SLCO2A1: variants seen among roughly 807,000 people sequenced by gnomAD.
The protein encoded by SLCO2A1 is matrin F/G 1.
SLCO2A1 carries 60 observed loss-of-function variants against 71.7 expected under a neutral mutation model. That is an observed-to-expected ratio of 0.84 (90% CI 0.68 to 1.04). The LOEUF (loss-of-function observed/expected upper bound fraction) is 1.04. SLCO2A1 is among the 50% of genes least tolerant of loss of function. The pLI is 0.00. For synonymous variants in SLCO2A1, 308 were observed against 326.7 expected (o/e 0.94, Z 0.62); for missense variants, 745 against 813.4 (o/e 0.92, Z 1.02).
intron 10 of SLCO2A1, 135 bp downstream of exon 10, chr3:133,944,960 A>G (rs1228738065): frequency 3.8e-6 from 4 of 1,053,118 alleles, no homozygotes; most frequent in Non-Finnish European, 5.5e-6. Flanking sequence ...GGCTCAGAGG[A>G]GGCCAGGATG....
chr3:133,934,311 T>TCA lies in SLCO2A1; in HGVS notation c.*400_*401dup, dbSNP rs1372606320. ...CTGCCACTCTGCAGGGTGTGGGCAG[T>TCA]CAGCGGGAGAGTGGAGCTGCCTGGC... is the stretch of plus-strand genomic sequence containing the variant. On this transcript the variant is annotated 3_prime_UTR_variant, in exon 14 of 14. Coordinates refer to ENST00000310926, the MANE Select transcript of SLCO2A1 (RefSeq NM_005630.3). 6.4e-6 allele frequency: 1 copy of TCA among 156,546 alleles called. No homozygotes were observed. The highest frequency in any genetic ancestry group is 2.4e-5 in the African/African-American group (1 of 41,548). The allele number at this position is 156,546 out of a possible 1,614,324, so 9.7% of individuals were successfully genotyped here. A position where few individuals can be genotyped will look rare whatever the true frequency, so the allele number is the denominator to read the frequency against.
chr3:133,954,847 C>T, intron 4 of SLCO2A1, 119 bp downstream of exon 4: 2 of 748,718 alleles, frequency 2.7e-6, no homozygotes, highest in Non-Finnish European at 4.4e-6. Flanking sequence ...GGCCTCTGAA[C>T]TCATTTGCTG....
At chr3:134,015,586 A>G (rs1935433244) in intron 1 of SLCO2A1, among the ~76,000 whole-genome samples, 1 of 152,206 alleles carries the variant, frequency 6.6e-6, no homozygotes, top group Non-Finnish European at 1.5e-5. Flanking sequence ...GTAAATTTCC[A>G]ATGTCTCACC....
At chr3:133,980,624 T>C (rs1164324210) in intron 1 of SLCO2A1, among the ~76,000 whole-genome samples, 1 of 152,238 alleles carries the variant, frequency 6.6e-6, no homozygotes, top group Non-Finnish European at 1.5e-5. Context: ...TCCAAAGCTC[T>C]TTCCATGAAT....
chr3:133,951,400 G>A, intron 5 of SLCO2A1, 56 bp from the exon 6 acceptor site: 2 of 1,597,648 alleles, frequency 1.3e-6, no homozygotes, highest in Non-Finnish European at 1.7e-6. Context: ...TCACCTTACT[G>A]GAAACAGAAC....
chr3:134,001,186 C>A (rs972861526), intron 1 of SLCO2A1, among the ~76,000 whole-genome samples: 33 of 151,944 alleles, frequency 2.2e-4, no homozygotes, highest in African/African-American at 8.0e-4. Context: ...GGCACGATCT[C>A]AACTCACTGC....
chr3:133,940,977 C>A (rs1180718254), intron 11 of SLCO2A1, among the ~76,000 whole-genome samples: 4 of 152,112 alleles, frequency 2.6e-5, no homozygotes, highest in Non-Finnish European at 5.9e-5. Context: ...AAGTGTACAC[C>A]TGGGCCTCTC....
At chr3:133,965,021 C>A (rs1934130880) in intron 3 of SLCO2A1, among the ~76,000 whole-genome samples, 2 of 152,110 alleles carry the variant, frequency 1.3e-5, no homozygotes, top group Non-Finnish European at 2.9e-5. Flanking sequence ...TTTTAACATG[C>A]AAAGAAATGT....
chr3:133,963,177 T>G (rs9844799), intron 3 of SLCO2A1, among the ~76,000 whole-genome samples: 83,776 of 151,992 alleles, frequency 0.55, 23,483 homozygotes, highest in African/African-American at 0.64. Context: ...CAGAATTTCA[T>G]TTCTAAATTC....
intron 9 of SLCO2A1, among the ~76,000 whole-genome samples, chr3:133,945,854 G>C (rs943694821): frequency 6.6e-6 from 1 of 152,174 alleles, no homozygotes; most frequent in Non-Finnish European, 1.5e-5. Context: ...TATTTCACTA[G>C]TATAATTATA....
Position 133,934,769 on chromosome 3 carries a change from A to G in SLCO2A1, c.1876T>C (p.Trp626Arg). Reference sequence around the variant, plus strand: ...TACTCCTTGTTCTTCTTCACCCTCCAGCTGATGAAGCAAAGCAGCAGCATG... The same window carrying G: ...TACTCCTTGTTCTTCTTCACCCTCCGGCTGATGAAGCAAAGCAGCAGCATG... Reference protein sequence around the residue: ...LGMLLLCFISWRVKKNKEYNV... With the variant: ...LGMLLLCFISRRVKKNKEYNV... The change falls in exon 14 of 14, where the codon TGG becomes CGG. Residue 626 changes from tryptophan to arginine, a missense_variant. Trp to Arg is a moderately radical substitution (Grantham distance 101). Coordinates refer to ENST00000310926, the MANE Select transcript of SLCO2A1 (RefSeq NM_005630.3). 1 of 1,613,352 alleles carries G rather than the reference A, an allele frequency of 6.2e-7. No homozygotes were observed. Among genetic ancestry groups the G allele is most frequent in the Non-Finnish European group, 8.5e-7 (1 of 1,180,006 alleles).
At chr3:134,010,363 G>A (rs1287593867) in intron 1 of SLCO2A1, among the ~76,000 whole-genome samples, 1 of 152,104 alleles carries the variant, frequency 6.6e-6, no homozygotes, top group Non-Finnish European at 1.5e-5. Context: ...ATGGTGAAGG[G>A]GAGGCAAGGC....
At chr3:133,982,637 C>T (rs1216140054) in intron 1 of SLCO2A1, among the ~76,000 whole-genome samples, 9 of 152,134 alleles carry the variant, frequency 5.9e-5, no homozygotes, top group Admixed American at 5.9e-4. Flanking sequence ...GGTGTTTGCC[C>T]CATCCCTCAG....
chr3:134,011,239 C>T (rs775904289), intron 1 of SLCO2A1, among the ~76,000 whole-genome samples: 12 of 152,108 alleles, frequency 7.9e-5, no homozygotes, highest in African/African-American at 9.7e-5. Context: ...TTAGTAGAGA[C>T]GGGGTTTCAC....
chr3:133,935,830 C>G lies in SLCO2A1; in HGVS notation c.1758G>C (p.Leu586=). 6 of 1,611,830 alleles carry G rather than the reference C, an allele frequency of 3.7e-6. No individual in the cohort carries two copies. Among genetic ancestry groups the G allele is most frequent in the Non-Finnish European group, 5.1e-6 (6 of 1,178,576 alleles). Residue 586 remains leucine (L), a synonymous_variant, in exon 13 of 14, where the codon CTG becomes CTC. Coordinates refer to ENST00000310926, the MANE Select transcript of SLCO2A1 (RefSeq NM_005630.3). ...CGCAGGCCCCTCGCCTCCCCAAGCA[C>G]AGCGAGTTCCACCGGATGCAGGAGT... ...IDHSCIRWNS[L]CLGRRGACAY...
chr3:133,938,071 G>C (rs184701877), intron 12 of SLCO2A1, among the ~76,000 whole-genome samples: 2 of 152,230 alleles, frequency 1.3e-5, no homozygotes, highest in African/African-American at 4.8e-5. Context: ...CCAGGGCTGG[G>C]CTCAGCCGCT....
At chr3:133,989,282 A>G (rs1210499269) in intron 1 of SLCO2A1, among the ~76,000 whole-genome samples, 1 of 152,198 alleles carries the variant, frequency 6.6e-6, no homozygotes, top group South Asian at 2.1e-4. Flanking sequence ...TTGCTTTAAT[A>G]AATTCCTGTT....
At chr3:133,990,350 G>A (rs928454860) in intron 1 of SLCO2A1, among the ~76,000 whole-genome samples, 1 of 152,180 alleles carries the variant, frequency 6.6e-6, no homozygotes, top group Admixed American at 6.5e-5. Context: ...AGAGAGGAGG[G>A]GAGACAAATG....
chr3:133,973,045 C>G (rs1030098167), intron 3 of SLCO2A1, among the ~76,000 whole-genome samples: 1 of 152,030 alleles, frequency 6.6e-6, no homozygotes, highest in African/African-American at 2.4e-5. Context: ...AGAGGTAGAA[C>G]AAAAATATGG....
Sources: gnomAD v4.1 joint callset for allele counts (sites outside exome capture counted in the v4.1 genomes callset) on GRCh38, gnomAD v4.1.1 for gene constraint, MANE v1.5 for transcripts, NCBI Gene and HGNC (gene_info 2026-07-23, HGNC 2026-07-21) for gene names.